DYNC1I1: variants seen among roughly 807,000 people sequenced by gnomAD.
DYNC1I1 encodes the protein dynein cytoplasmic 1 intermediate chain 1, also known as cytoplasmic dynein 1 intermediate chain 1.
DYNC1I1 carries 43 observed loss-of-function variants against 86.6 expected under a neutral mutation model. That is an observed-to-expected ratio of 0.50 (90% confidence interval 0.39 to 0.64). DYNC1I1 has a LOEUF of 0.64. Among genes scored for constraint, DYNC1I1 ranks in the 30% least tolerant of loss-of-function variants. The pLI is 0.00. For synonymous variants in DYNC1I1, 262 were observed against 283.7 expected (o/e 0.92, Z 0.77); for missense variants, 604 against 788.8 (o/e 0.77, Z 2.81).
rs540706274 is a variant in DYNC1I1 at position 95,804,849 on chromosome 7, G to C, written c.108+12G>C. ...GGAAAAAGAAAGAGGTAAATCCTGG[G>C]TGTTGGGGTGTTGTGGGGGAAAAAG... On this transcript the variant is annotated intron_variant, in intron 2 of 16. Transcript: ENST00000447467. 5.8e-6 allele frequency: 9 copies of C among 1,542,540 alleles called. No individual in the cohort carries two copies. The Admixed American group carries it at 1.7e-4, about 28-fold the overall frequency.
At chr7:96,054,972 A>G (rs1407650512) in intron 14 of DYNC1I1, among the ~76,000 whole-genome samples, 2 of 152,130 alleles carry the variant, frequency 1.3e-5, no homozygotes, top group Admixed American at 6.6e-5. Context: ...TAGTTGTATT[A>G]GATCTCATTT....
chr7:95,941,008 C>G (rs1294105731), intron 6 of DYNC1I1, among the ~76,000 whole-genome samples: 8 of 152,120 alleles, frequency 5.3e-5, no homozygotes, highest in Non-Finnish European at 1.2e-4. Flanking sequence ...GTTAGTTTTC[C>G]TTCTAACAGA....
chr7:95,817,049 A>G (rs1489916008), intron 4 of DYNC1I1, among the ~76,000 whole-genome samples: 2 of 152,066 alleles, frequency 1.3e-5, no homozygotes, highest in African/African-American at 4.8e-5. Flanking sequence ...GAATTCCTTG[A>G]AAGTAGGGAC....
At chr7:95,882,133 T>C (rs1345306897) in intron 6 of DYNC1I1, among the ~76,000 whole-genome samples, 1 of 152,176 alleles carries the variant, frequency 6.6e-6, no homozygotes, top group Non-Finnish European at 1.5e-5. Flanking sequence ...TTTTCTTTTG[T>C]TTAGGATCAC....
At chr7:95,800,460 CAGTG>C (rs982112487) in intron 1 of DYNC1I1, among the ~76,000 whole-genome samples, 3 of 152,018 alleles carry the variant, frequency 2.0e-5, no homozygotes, top group Admixed American at 6.6e-5. Context: ...AGCTGGGTGA[CAGTG>C]AGTGAGGAAG....
chr7:95,816,500 A>G (rs960594335), intron 4 of DYNC1I1, among the ~76,000 whole-genome samples: 1 of 152,144 alleles, frequency 6.6e-6, no homozygotes, highest in African/African-American at 2.4e-5. Context: ...TACAACTTAT[A>G]CTTTTGGTTT....
intron 5 of DYNC1I1, among the ~76,000 whole-genome samples, chr7:95,828,618 C>A (rs1015204482): frequency 4.0e-5 from 6 of 151,724 alleles, no homozygotes; most frequent in Non-Finnish European, 5.9e-5. Context: ...TTAAAAAAAA[C>A]CAAGGAAATT....
At chr7:96,042,925 G>C (rs911913997) in intron 14 of DYNC1I1, among the ~76,000 whole-genome samples, 3 of 152,120 alleles carry the variant, frequency 2.0e-5, no homozygotes, top group Non-Finnish European at 4.4e-5. Flanking sequence ...ACTTTGGGAG[G>C]CTGAGGCGGG....
chr7:95,902,673 C>G (rs1044691912), intron 6 of DYNC1I1, among the ~76,000 whole-genome samples: 1 of 152,114 alleles, frequency 6.6e-6, no homozygotes, highest in Admixed American at 6.5e-5. Flanking sequence ...ATTATTTATA[C>G]TGTGCCTCAT....
chr7:95,994,376 G>T (rs1342335080), intron 9 of DYNC1I1, among the ~76,000 whole-genome samples: 1 of 152,168 alleles, frequency 6.6e-6, no homozygotes, highest in African/African-American at 2.4e-5. Flanking sequence ...TGGCAGGACA[G>T]ACACATGATA....
chr7:95,795,258 A>AT lies in DYNC1I1; in HGVS notation c.-9-9460dup, dbSNP rs375976108. 4.0e-3 allele frequency among the ~76,000 whole-genome samples: 585 copies of AT among 147,938 alleles called. 4 individuals carry two copies. Among genetic ancestry groups the AT allele is most frequent in the African/African-American group, 0.014 (554 of 40,476 alleles). On this transcript the variant is annotated intron_variant, in intron 1 of 16. Transcript: ENST00000447467. ...AAGTAAACACTGGAAGGAAAGCATT[A>AT]TTTAATGAAAGTGCCCAATAATGAG...
chr7:95,873,041 A>G (rs746956573), intron 6 of DYNC1I1, among the ~76,000 whole-genome samples: 2 of 152,194 alleles, frequency 1.3e-5, no homozygotes, highest in Non-Finnish European at 2.9e-5. Flanking sequence ...TGGGGGAATG[A>G]GAATTTCTTA....
intron 5 of DYNC1I1, among the ~76,000 whole-genome samples, chr7:95,834,901 G>A (rs1211187978): frequency 6.6e-6 from 1 of 151,794 alleles, no homozygotes; most frequent in African/African-American, 2.4e-5. Flanking sequence ...TATGTATTTT[G>A]TTGATCCTTT....
chr7:95,913,145 C>T (rs973653484), intron 6 of DYNC1I1, among the ~76,000 whole-genome samples: 2 of 152,246 alleles, frequency 1.3e-5, no homozygotes, highest in Non-Finnish European at 2.9e-5. Flanking sequence ...GGAGCCAGAG[C>T]CTAGTTCATG....
Position 96,083,137 on chromosome 7 carries a change from C to T in DYNC1I1, c.1776+2649C>T, listed in dbSNP as rs148844360. On this transcript the variant is annotated intron_variant, in intron 16 of 16. Transcript: ENST00000447467. ...ATTTTATTGAGAGTAGGTAATATTA[C>T]AATCTCTAGCCCTTCTCTGAATGAC... is the stretch of plus-strand genomic sequence containing the variant. Among the ~76,000 whole-genome samples, 106 of 152,170 alleles carry T rather than the reference C, an allele frequency of 7.0e-4. 1 individual carries two copies. The highest frequency in any genetic ancestry group is 2.3e-3 in the African/African-American group (97 of 41,510).
chr7:96,074,684 T>G (rs1463935550), intron 14 of DYNC1I1, among the ~76,000 whole-genome samples: 1 of 152,246 alleles, frequency 6.6e-6, no homozygotes, highest in Admixed American at 6.5e-5. Flanking sequence ...GGTTACAGTT[T>G]TATTGTTTTC....
chr7:95,873,026 C>G (rs560745505), intron 6 of DYNC1I1, among the ~76,000 whole-genome samples: 1 of 152,240 alleles, frequency 6.6e-6, no homozygotes, highest in South Asian at 2.1e-4. Flanking sequence ...TCACTATGTT[C>G]CCCCTGGGGG....
intron 14 of DYNC1I1, among the ~76,000 whole-genome samples, chr7:96,062,179 T>C (rs540712990): frequency 9.8e-5 from 15 of 152,332 alleles, no homozygotes; most frequent in South Asian, 8.3e-4. Context: ...TAGGTAATTT[T>C]AAGGAGCACA....
At chr7:95,914,111 C>A (rs1256453948) in intron 6 of DYNC1I1, among the ~76,000 whole-genome samples, 2 of 152,192 alleles carry the variant, frequency 1.3e-5, no homozygotes, top group East Asian at 3.9e-4. Context: ...GGCAAGAAGG[C>A]CTGAATGGGG....
Sources: allele counts gnomAD v4.1 joint callset (sites outside exome capture counted in the v4.1 genomes callset), GRCh38; gene constraint gnomAD v4.1.1; transcripts MANE v1.5; gene names NCBI Gene and HGNC (gene_info 2026-07-23, HGNC 2026-07-21).